The following FAM76A variants were observed in gnomAD, a reference collection of about 807,000 sequenced individuals.
The protein encoded by FAM76A is family with sequence similarity 76 member A.
In FAM76A, 32 loss-of-function variants were observed where a neutral mutation model predicts 46.2. The observed-to-expected ratio is 0.69, with a 90% CI of 0.52 to 0.93. The LOEUF is 0.93. FAM76A is among the 40% of genes least tolerant of loss of function. The pLI is 0.00. For missense variants in FAM76A, 274 were observed against 361.5 expected, an observed-to-expected ratio of 0.76 and a Z score of 1.96; for synonymous variants, 137 against 127.0, an observed-to-expected ratio of 1.08 and a Z score of -0.53.
intron 4 of FAM76A, among the ~76,000 whole-genome samples, chr1:27,736,329 A>C (rs1246016383): frequency 4.6e-5 from 7 of 152,232 alleles, no homozygotes; most frequent in African/African-American, 1.7e-4. Context: ...CTCAAAAAAA[A>C]GGAAAGCGGG....
chr1:27,740,134 A>G (rs1400180853), intron 4 of FAM76A: 3 of 480,788 alleles, frequency 6.2e-6, no homozygotes, highest in Non-Finnish European at 8.0e-6. Context: ...CTAGTCCAGG[A>G]CCTTTTCTTT....
At position 27,729,300 on chromosome 1, in the gene FAM76A, C is replaced by T. The variant is rs539972665; in HGVS notation, c.146+1764C>T. On this transcript the variant is annotated intron_variant, in intron 2 of 8. Coordinates refer to ENST00000373954, the MANE Select transcript of FAM76A (RefSeq NM_152660.3). ...TCAGCTCACTGCAACCTCCCCTCTC[C>T]GGGCTCAAATGATCCTCCCACCTCA... Among the ~76,000 whole-genome samples, 7 of 151,922 alleles carry T rather than the reference C, an allele frequency of 4.6e-5. No homozygotes were observed. The East Asian group carries it at 7.8e-4, about 17-fold the overall frequency.
chr1:27,740,877 C>T (rs2088139461), intron 4 of FAM76A, among the ~76,000 whole-genome samples: 1 of 151,750 alleles, frequency 6.6e-6, no homozygotes, highest in African/African-American at 2.4e-5. Flanking sequence ...ACCTGTAATC[C>T]CAGCACTTTG....
Position 27,759,540 on chromosome 1 carries a change from G to A in FAM76A, c.750G>A (p.Lys250=), listed in dbSNP as rs779660616. 1 of 1,612,596 alleles carries A rather than the reference G, an allele frequency of 6.2e-7. No homozygotes were observed. Among genetic ancestry groups the A allele is most frequent in the Admixed American group, 1.7e-5 (1 of 59,762 alleles). The change falls in exon 8 of 9, where the codon AAG becomes AAA. Residue 250 remains lysine, a synonymous_variant. Transcript: ENST00000373954. ...LEKEKKITEL[K]ADFQYQESQM... ...GTTTCCCTCAGATTACAGAGTTGAA[G>A]GCTGATTTTCAGTACCAGGAATCGC...
At position 27,762,902 on chromosome 1, in the gene FAM76A, A is replaced by G. The variant is rs748892383; in HGVS notation, c.*2321A>G. On this transcript the variant is annotated 3_prime_UTR_variant, in exon 9 of 9. Transcript: ENST00000373954. ...AAATTCACACGTTTTCTAACTTTCC[A>G]TAAGTTCCAAAAAGGGAAAGAAGAA... is the stretch of plus-strand genomic sequence containing the variant. 2.4e-4 allele frequency: 36 copies of G among 152,194 alleles called. No homozygotes were observed. Among genetic ancestry groups the G allele is most frequent in the African/African-American group, 8.0e-4 (33 of 41,456 alleles). 9.4% of individuals were successfully genotyped at this position (152,194 alleles called of 1,614,324 possible). A position where few individuals can be genotyped will look rare whatever the true frequency, so the allele number is the denominator to read the frequency against.
chr1:27,731,425 C>G (rs976803981), intron 2 of FAM76A, among the ~76,000 whole-genome samples: 1 of 151,596 alleles, frequency 6.6e-6, no homozygotes, highest in South Asian at 2.1e-4. Flanking sequence ...AGGCTGGTCT[C>G]AAACTCCTGA....
intron 2 of FAM76A, among the ~76,000 whole-genome samples, chr1:27,729,888 T>C (rs772641543): frequency 2.0e-5 from 3 of 152,146 alleles, no homozygotes; most frequent in Non-Finnish European, 4.4e-5. Context: ...TGTCACCCCA[T>C]AGAGTCCTCT....
intron 6 of FAM76A, among the ~76,000 whole-genome samples, chr1:27,751,749 A>G (rs1350854627): frequency 6.6e-6 from 1 of 151,794 alleles, no homozygotes; most frequent in Admixed American, 6.6e-5. Context: ...TGATCCTCCT[A>G]TGTTGGCCTC....
At chr1:27,743,241 C>T (rs1331692835) in intron 4 of FAM76A, among the ~76,000 whole-genome samples, 1 of 152,062 alleles carries the variant, frequency 6.6e-6, no homozygotes, top group Non-Finnish European at 1.5e-5. Context: ...GCCTTGACCT[C>T]CCAGGCTCAA....
chr1:27,756,614 C>T (rs1256520768), intron 7 of FAM76A, among the ~76,000 whole-genome samples: 7 of 151,162 alleles, frequency 4.6e-5, no homozygotes, highest in Admixed American at 1.3e-4. Flanking sequence ...TTTATTTTCA[C>T]ATCAGAATAT....
chr1:27,726,728 A>T (rs1311763921), intron 1 of FAM76A, among the ~76,000 whole-genome samples: 1 of 151,994 alleles, frequency 6.6e-6, no homozygotes, highest in South Asian at 2.1e-4. Context: ...AGGCTCACAG[A>T]TCCGAGGGAT....
At chr1:27,748,240 C>T (rs2088274455) in intron 5 of FAM76A, among the ~76,000 whole-genome samples, 1 of 150,324 alleles carries the variant, frequency 6.7e-6, no homozygotes, top group Non-Finnish European at 1.5e-5. Context: ...ATTCTCCTGC[C>T]TCAGCCTCCC....
At chr1:27,752,903 T>C (rs887897378) in intron 6 of FAM76A, among the ~76,000 whole-genome samples, 3 of 152,206 alleles carry the variant, frequency 2.0e-5, no homozygotes, top group African/African-American at 7.2e-5. Context: ...CTCACGCCTG[T>C]AATCCCAGCA....
rs2088392588 is a variant in FAM76A at position 27,755,331 on chromosome 1, G to A, written c.735+1G>A. 1.2e-6 allele frequency: 2 copies of A among 1,613,926 alleles called. No homozygotes were observed. Among genetic ancestry groups the A allele is most frequent in the Admixed American group, 1.7e-5 (1 of 59,980 alleles). On this transcript the variant is annotated splice_donor_variant, in intron 7 of 8. Transcript: ENST00000373954. LOFTEE classifies it high-confidence loss of function. ...AATGATTTTAGAGAAAGAGAAGAAG[G>A]TATGGTTTAGTTAATTCCTCTCTGA...
Position 27,727,503 on chromosome 1 carries a change from G to A in FAM76A, c.113G>A (p.Cys38Tyr). ...CGGATTGCACACCCTGTTGTGAAGT[G>A]CACCTACTGCAGGACTGAGTACCAG... ...ECRIAHPVVK[C>Y]TYCRTEYQQE... Residue 38 changes from cysteine (C) to tyrosine (Y), a missense_variant, in exon 2 of 9, where the codon TGC becomes TAC. By Grantham distance (194) the Cys-to-Tyr change is radical. Transcript: ENST00000373954. The A allele has an allele frequency of 6.2e-7, 1 of 1,613,830 alleles. No homozygotes were observed. Among genetic ancestry groups the A allele is most frequent in the Non-Finnish European group, 8.5e-7 (1 of 1,179,774 alleles).
intron 7 of FAM76A, among the ~76,000 whole-genome samples, chr1:27,759,219 T>G (rs947694616): frequency 1.3e-5 from 2 of 152,192 alleles, no homozygotes; most frequent in Non-Finnish European, 2.9e-5. Flanking sequence ...ACTCTCACAA[T>G]GTTATCATAA....
intron 5 of FAM76A, among the ~76,000 whole-genome samples, 162 bp from the exon 6 acceptor site, chr1:27,748,906 T>C (rs2148581735): frequency 6.6e-6 from 1 of 152,336 alleles, no homozygotes; most frequent in East Asian, 1.9e-4. Context: ...CATCCAGGCC[T>C]ACAAAATCAT....
intron 4 of FAM76A, chr1:27,739,488 A>T (rs750916949): frequency 8.3e-5 from 32 of 384,918 alleles, no homozygotes; most frequent in Middle Eastern, 9.4e-4. Flanking sequence ...GTTCTAGTAT[A>T]AAAAAAAACT....
chr1:27,732,768 T>C, intron 3 of FAM76A, 111 bp downstream of exon 3: 1 of 753,372 alleles, frequency 1.3e-6, no homozygotes, highest in South Asian at 2.5e-5. Context: ...AATGGTTATG[T>C]GTAATATATC....
Sources: allele counts gnomAD v4.1 joint callset (sites outside exome capture counted in the v4.1 genomes callset), GRCh38; gene constraint gnomAD v4.1.1; transcripts MANE v1.5; gene names NCBI Gene and HGNC (gene_info 2026-07-23, HGNC 2026-07-21).